Variants in OFD1 observed in about 807,000 individuals in gnomAD.
The protein encoded by OFD1 is OFD1 centriole and centriolar satellite protein.
Under a neutral mutation model 81.4 loss-of-function variants are expected in OFD1, and 12 were observed. The ratio of observed to expected loss-of-function variants is 0.15; its 90% confidence interval spans 0.09 to 0.24. The LOEUF is 0.24. Ranked by LOEUF, OFD1 falls within the 10% of genes least tolerant of loss-of-function variation. The pLI is 1.00. For missense variants in OFD1, 685 were observed against 733.9 expected (o/e 0.93, Z 0.77); for synonymous variants, 256 against 263.7 (o/e 0.97, Z 0.28).
chrX:13,726,661 G>T, the OFD1 span, among the ~76,000 whole-genome samples: 1 of 111,837 alleles, frequency 8.9e-6, no homozygotes, highest in African/African-American at 3.3e-5. Context: ...AGGCCAAATT[G>T]TAAAAGACCA....
rs1555908984 is a variant in OFD1, at chrX:13,768,720, C to T, written c.2931C>T (p.Ser977=). The change falls in exon 22 of 23, where the codon AGC becomes AGT. Residue 977 remains serine, a splice_region_variant and synonymous_variant. Transcript: ENST00000340096. ...TTCCACCCTCTCCATGTAATCAGAG[C>T]TCAAAAAAGATGGTCCAAGAAGGCT... The part of the protein sequence containing the change: ...QEQDQESADK[S]SKKMVQEGSL... 8.3e-7 allele frequency: 1 copy of T among 1,207,232 alleles called. No homozygotes were observed. Among genetic ancestry groups the T allele is most frequent in the Admixed American group, 2.2e-5 (1 of 46,023 alleles).
At chrX:13,770,987 A>C (rs1408442288), downstream of OFD1, 1 of 112,552 alleles carries the variant, frequency 8.9e-6, no homozygotes, top group East Asian at 2.8e-4. Context: ...ATCCACAACT[A>C]TTTCCACCTA....
At chrX:13,725,203 G>A in the OFD1 span, among the ~76,000 whole-genome samples, 9 of 113,170 alleles carry the variant, frequency 8.0e-5, no homozygotes, top group African/African-American at 2.2e-4. Context: ...GACAACTTCT[G>A]CAGACTTAAA....
chrX:13,734,166 A>T, upstream of OFD1: 2 of 503,862 alleles, frequency 4.0e-6, no homozygotes, highest in Non-Finnish European at 7.1e-6. Flanking sequence ...TGGTTGTCAC[A>T]CTTGGGGGAG....
chrX:13,741,524 C>T (rs2047103525), intron 5 of OFD1, among the ~76,000 whole-genome samples: 1 of 111,703 alleles, frequency 9.0e-6, no homozygotes, highest in Non-Finnish European at 1.9e-5. Flanking sequence ...ATTCTAGTCA[C>T]CCATTCTTCC....
At chrX:13,759,553 C>A (rs2047847349) in intron 15 of OFD1, among the ~76,000 whole-genome samples, 1 of 111,659 alleles carries the variant, frequency 9.0e-6, no homozygotes, top group Admixed American at 9.5e-5. Context: ...TTAGTCCCCC[C>A]ATCTGTAAAA....
chrX:13,753,567 CA>C, intron 11 of OFD1, 126 bp downstream of exon 11: 1 of 611,877 alleles, frequency 1.6e-6, no homozygotes. Flanking sequence ...CAAAATTACA[CA>C]TTTTTTGTAA....
rs150602554 is a variant in OFD1 at position 13,737,775 on chromosome X, A to G, written c.313-1071A>G. On this transcript the variant is annotated intron_variant, in intron 3 of 22. Coordinates refer to ENST00000340096, the MANE Select transcript of OFD1 (RefSeq NM_003611.3). ...TTTAGTGACACAAGCTTAGTACAGT[A>G]TTTGAATGAAAACTTAAATAATTTG... 1.9e-3 allele frequency among the ~76,000 whole-genome samples: 217 copies of G among 112,463 alleles called. 1 individual carries two copies. Among genetic ancestry groups the G allele is most frequent in the African/African-American group, 6.3e-3 (196 of 31,009 alleles).
intron 10 of OFD1, among the ~76,000 whole-genome samples, chrX:13,752,206 G>A (rs1439261457): frequency 8.9e-6 from 1 of 112,178 alleles, no homozygotes; most frequent in Non-Finnish European, 1.9e-5. Context: ...GGACAACTAT[G>A]GTAACTTTGG....
In OFD1 at chrX:13,760,002, G is replaced by T. The variant is rs73197717; in HGVS notation, c.1655-113G>T. The T allele has an allele frequency of 2.1e-3, 1,985 of 950,243 alleles. 5 individuals carry two copies. Among genetic ancestry groups the T allele is most frequent in the Non-Finnish European group, 2.7e-3 (1,783 of 664,742 alleles). The allele number at this position is 950,243 out of a possible 1,213,427, so 78.3% of individuals were successfully genotyped here. A position where few individuals can be genotyped will look rare whatever the true frequency, so the allele number is the denominator to read the frequency against. ...ACCATGGCTTCAGAAACTGTATAGTGCAAGTTTGTCCTTATTACTCTCTTC... is the reference window on the plus strand; with the variant it reads ...ACCATGGCTTCAGAAACTGTATAGTTCAAGTTTGTCCTTATTACTCTCTTC... On this transcript the variant is annotated intron_variant, in intron 15 of 22. Transcript: ENST00000340096.
intron 6 of OFD1, among the ~76,000 whole-genome samples, chrX:13,745,190 A>G (rs2047246019): frequency 1.8e-5 from 2 of 112,548 alleles, no homozygotes; most frequent in South Asian, 3.6e-4. Context: ...TTATATGACT[A>G]TGCCTTTAAG....
chrX:13,734,170 G>A (rs192390430), upstream of OFD1: 2 of 501,607 alleles, frequency 4.0e-6, no homozygotes, highest in Non-Finnish European at 7.2e-6. Context: ...TGTCACACTT[G>A]GGGGAGAAGG....
chrX:13,758,587 TA>T (rs1230574434), intron 15 of OFD1, 139 bp downstream of exon 15: 1 of 449,579 alleles, frequency 2.2e-6, no homozygotes, highest in African/African-American at 2.4e-5. Context: ...ATCTTAGAAG[TA>T]AAACTCCCTA....
chrX:13,759,275 C>G (rs530804694), intron 15 of OFD1, among the ~76,000 whole-genome samples: 204 of 112,349 alleles, frequency 1.8e-3, no homozygotes, highest in African/African-American at 6.2e-3. Context: ...TTTATCTCTA[C>G]TCGTTTCTGC....
At position 13,734,753 on chromosome X, in the gene OFD1, CTG is replaced by C; in HGVS notation, c.-316_-315del. On this transcript the variant is annotated 5_prime_UTR_variant, in exon 1 of 23. Coordinates refer to ENST00000340096, the MANE Select transcript of OFD1 (RefSeq NM_003611.3). ...AGGTTTCCGGAAGTTGCCGGACTGG[CTG>C]TGAGGCGGTCCTGCCTCGCTGCCTT... 2 of 1,043,300 alleles carry C rather than the reference CTG, an allele frequency of 1.9e-6. No individual in the cohort carries two copies. Among genetic ancestry groups the C allele is most frequent in the Non-Finnish European group, 2.4e-6 (2 of 817,493 alleles). The allele number at this position is 1,043,300 out of a possible 1,213,427, so 86.0% of individuals were successfully genotyped here. A position where few individuals can be genotyped will look rare whatever the true frequency, so the allele number is the denominator to read the frequency against.
Position 13,758,181 on chromosome X carries a change from G to GT in OFD1, c.1543-147dup, listed in dbSNP as rs201339023. Among the ~76,000 whole-genome samples, 552 of 108,784 alleles carry GT rather than the reference G, an allele frequency of 5.1e-3. 6 individuals are homozygous for GT. The highest frequency in any genetic ancestry group is 0.017 in the African/African-American group (498 of 29,908). 94.5% of individuals were successfully genotyped at this position (108,784 alleles called of 115,157 possible). ...GAACTTGTTTGTGTGTTCTGCTTGTGTTTTTTTTTAATAGGGACCCTGTTG... is the reference window on the plus strand; with the variant it reads ...GAACTTGTTTGTGTGTTCTGCTTGTGTTTTTTTTTTAATAGGGACCCTGTTG... On this transcript the variant is annotated intron_variant, in intron 14 of 22. Coordinates refer to ENST00000340096, the MANE Select transcript of OFD1 (RefSeq NM_003611.3).
chrX:13,745,097 G>A (rs1284700060), intron 6 of OFD1, among the ~76,000 whole-genome samples: 1 of 112,054 alleles, frequency 8.9e-6, no homozygotes. Context: ...TGTTTAAAAC[G>A]ATATGCTTAA....
chrX:13,757,565 C>T (rs2047755863), intron 13 of OFD1, 95 bp from the exon 14 acceptor site: 3 of 935,885 alleles, frequency 3.2e-6, no homozygotes, highest in Non-Finnish European at 4.4e-6. Flanking sequence ...AAGCAAAGAA[C>T]ACTTTAAAAC....
In OFD1 at chrX:13,765,056, T is replaced by G. The variant is rs767936312; in HGVS notation, c.2599+1201T>G. On this transcript the variant is annotated intron_variant, in intron 19 of 22. Coordinates refer to ENST00000340096, the MANE Select transcript of OFD1 (RefSeq NM_003611.3). ...GGATAAGGGAAATCAACTGAGTAAC[T>G]AGGTGTTCTGCTGCTGAGATGGAAC... Among the ~76,000 whole-genome samples, 3 of 112,388 alleles carry G rather than the reference T, an allele frequency of 2.7e-5. No homozygotes were observed. The East Asian group carries it at 8.3e-4, about 31-fold the overall frequency.
Sources: allele counts gnomAD v4.1 joint callset (sites outside exome capture counted in the v4.1 genomes callset), GRCh38; gene constraint gnomAD v4.1.1; transcripts MANE v1.5; gene names NCBI Gene and HGNC (gene_info 2026-07-23, HGNC 2026-07-21).